CPSF2: variants seen among roughly 807,000 people sequenced by gnomAD.
CPSF2 encodes cleavage and polyadenylation specific factor 2, also known as cleavage and polyadenylation specificity factor subunit 2.
A neutral mutation model predicts 84.2 loss-of-function variants in CPSF2; 51 were observed. The ratio of observed to expected loss-of-function variants is 0.61; its 90% CI spans 0.48 to 0.77. CPSF2 has a LOEUF of 0.77. Ranked by LOEUF, CPSF2 falls within the 30% of genes least tolerant of loss-of-function variation. CPSF2 has a pLI of 0.00. For missense variants in CPSF2, 641 were observed against 929.4 expected, an observed-to-expected ratio of 0.69 and a Z score of 4.03; for synonymous variants, 286 against 311.9, an observed-to-expected ratio of 0.92 and a Z score of 0.87.
chr14:92,134,743 T>A (rs1384527679), intron 5 of CPSF2, among the ~76,000 whole-genome samples: 1 of 152,200 alleles, frequency 6.6e-6, no homozygotes, highest in Non-Finnish European at 1.5e-5. Flanking sequence ...GAGTAGATAA[T>A]GAATTCTAGC....
intron 2 of CPSF2, among the ~76,000 whole-genome samples, chr14:92,130,365 T>C (rs2141452578): frequency 6.6e-6 from 1 of 152,210 alleles, no homozygotes; most frequent in Middle Eastern, 3.4e-3. Flanking sequence ...CTGGTCTAAT[T>C]AATGGGAGAG....
At position 92,165,521 on chromosome 14, in the gene CPSF2, G is replaced by A. The variant is rs1026596060; in HGVS notation, c.*3777G>A. The stretch of plus-strand genomic sequence containing the variant: ...AGGTTTTGATTTGCATTTCCTTAAT[G>A]ACTGATGATGTGGAGCCTCTTTCCA... On this transcript the variant is annotated 3_prime_UTR_variant, in exon 16 of 16. Coordinates refer to ENST00000298875, the MANE Select transcript of CPSF2 (RefSeq NM_017437.3). The A allele has an allele frequency of 1.7e-4, 26 of 152,206 alleles. No individual in the cohort carries two copies. The highest frequency in any genetic ancestry group is 6.3e-4 in the African/African-American group (26 of 41,560). The allele number at this position is 152,206 out of a possible 1,614,324, so 9.4% of individuals were successfully genotyped here.
chr14:92,142,433 AT>A, intron 8 of CPSF2, 82 bp downstream of exon 8: 1 of 1,087,468 alleles, frequency 9.2e-7, no homozygotes, highest in Non-Finnish European at 1.3e-6. Context: ...TGTTTTTTGG[AT>A]TTTATTTTTC....
rs201952308 is a variant in CPSF2, at chr14:92,147,622, TA to T, written c.1140+4336del. Among the ~76,000 whole-genome samples the T allele has an allele frequency of 3.9e-4, 59 of 152,212 alleles. No individual in the cohort carries two copies. The East Asian group carries it at 0.01, about 26-fold the overall frequency. ...ATCTATGTAGGTTGCTAACTGTTTT[TA>T]AAAAAAACCCACTATTTTCTGAATG... On this transcript the variant is annotated intron_variant, in intron 9 of 15. Transcript: ENST00000298875.
rs749285949 is a variant in CPSF2 at position 92,142,226 on chromosome 14, A to G, written c.724A>G (p.Arg242Gly). The G allele has an allele frequency of 5.6e-6, 9 of 1,614,084 alleles. No homozygotes were observed. The highest frequency in any genetic ancestry group is 7.6e-6 in the Non-Finnish European group (9 of 1,179,942). ...NVLIAVDTAGRVLELAQLLDQ... is the reference protein window; with the variant it reads ...NVLIAVDTAGGVLELAQLLDQ... ...GTTAATAGCAGTGGACACAGCAGGC[A>G]GAGTTTTGGAACTTGCTCAACTTCT... Residue 242 changes from arginine (R) to glycine (G), a missense_variant, in exon 8 of 16, where the codon AGA (arginine) becomes GGA (glycine). By Grantham distance (125) the Arg-to-Gly change is moderately radical (BLOSUM62 -2). Coordinates refer to ENST00000298875, the MANE Select transcript of CPSF2 (RefSeq NM_017437.3).
intron 6 of CPSF2, among the ~76,000 whole-genome samples, chr14:92,137,314 A>G (rs913696621): frequency 1.3e-5 from 2 of 152,064 alleles, no homozygotes; most frequent in East Asian, 1.9e-4. Flanking sequence ...GCTTCAAGCA[A>G]TCTTCCCATT....
chr14:92,153,689 G>A (rs1012647443), intron 9 of CPSF2, among the ~76,000 whole-genome samples: 1 of 147,240 alleles, frequency 6.8e-6, no homozygotes, highest in African/African-American at 2.5e-5. Flanking sequence ...ACAGGTGCAT[G>A]CTACCACTAC....
intron 7 of CPSF2, among the ~76,000 whole-genome samples, chr14:92,140,509 T>C (rs1231354441): frequency 1.3e-5 from 2 of 150,568 alleles, no homozygotes; most frequent in African/African-American, 4.9e-5. Flanking sequence ...CTCGGCTCAT[T>C]GCAACCTCCA....
chr14:92,163,608 A>G lies in CPSF2; in HGVS notation c.*1864A>G, dbSNP rs2069404622. The G allele has an allele frequency of 6.5e-6, 1 of 152,678 alleles. No homozygotes were observed. The allele number at this position is 152,678 out of a possible 1,614,324, so 9.5% of individuals were successfully genotyped here. A position where few individuals can be genotyped will look rare whatever the true frequency, so the allele number is the denominator to read the frequency against. ...AAATTGAATTGTGTTAATAGTTCCC[A>G]TAATCCCTACGTGTTGTGGGAGGGA... On this transcript the variant is annotated 3_prime_UTR_variant, in exon 16 of 16. Coordinates refer to ENST00000298875, the MANE Select transcript of CPSF2 (RefSeq NM_017437.3).
At chr14:92,131,587 C>T (rs1333676393) in intron 3 of CPSF2, among the ~76,000 whole-genome samples, 2 of 152,072 alleles carry the variant, frequency 1.3e-5, no homozygotes, top group Admixed American at 1.3e-4. Context: ...GCTGGCAATC[C>T]CAGTACTTTA....
chr14:92,127,086 C>T (rs1250347669), intron 2 of CPSF2, among the ~76,000 whole-genome samples: 2 of 152,122 alleles, frequency 1.3e-5, no homozygotes, highest in Admixed American at 6.5e-5. Context: ...ACTGTGGAGG[C>T]GCTGGAATGT....
intron 2 of CPSF2, among the ~76,000 whole-genome samples, chr14:92,130,120 A>G (rs1010277863): frequency 6.6e-6 from 1 of 152,204 alleles, no homozygotes. Flanking sequence ...CATCAGATAT[A>G]TGTTGAAGCG....
At chr14:92,148,229 T>A (rs1320359582) in intron 9 of CPSF2, among the ~76,000 whole-genome samples, 1 of 152,226 alleles carries the variant, frequency 6.6e-6, no homozygotes, top group African/African-American at 2.4e-5. Flanking sequence ...TATACCCAGA[T>A]TCCCCAATTG....
chr14:92,123,772 T>C (rs1490796786), intron 1 of CPSF2, among the ~76,000 whole-genome samples: 2 of 152,226 alleles, frequency 1.3e-5, no homozygotes, highest in Non-Finnish European at 2.9e-5. Context: ...TCAAAACCAG[T>C]GCTCTGAAGG....
At chr14:92,126,323 A>G (rs902581497) in intron 2 of CPSF2, 143 bp downstream of exon 2, 7 of 152,248 alleles carry the variant, frequency 4.6e-5, no homozygotes, top group East Asian at 1.9e-4. Flanking sequence ...GATACCTTGC[A>G]TGTTACTTCA....
rs959001686 is a variant in CPSF2, at chr14:92,167,163, C to T, written c.*5419C>T. The T allele has an allele frequency of 6.6e-6, 1 of 151,936 alleles. No homozygotes were observed. Among genetic ancestry groups the T allele is most frequent in the Non-Finnish European group, 1.5e-5 (1 of 68,010 alleles). 9.4% of individuals were successfully genotyped at this position (151,936 alleles called of 1,614,324 possible). On this transcript the variant is annotated 3_prime_UTR_variant, in exon 16 of 16. Transcript: ENST00000298875. ...AGTAGTTAGGACTACAGGCGCGTGC[C>T]ACCATGCCAGGCTAATTTTTGTATT...
intron 3 of CPSF2, among the ~76,000 whole-genome samples, chr14:92,133,141 C>T (rs1027783042): frequency 2.0e-5 from 3 of 150,500 alleles, no homozygotes; most frequent in African/African-American, 7.4e-5. Context: ...AACTTATGGC[C>T]GGGCGTGGTG....
chr14:92,150,646 C>T (rs1014103872), intron 9 of CPSF2, among the ~76,000 whole-genome samples: 3 of 152,030 alleles, frequency 2.0e-5, no homozygotes, highest in Non-Finnish European at 2.9e-5. Context: ...CATATGGTCT[C>T]GAACTGGCCT....
chr14:92,132,426 T>C (rs2068944058), intron 3 of CPSF2, among the ~76,000 whole-genome samples: 1 of 148,438 alleles, frequency 6.7e-6, no homozygotes, highest in African/African-American at 2.5e-5. Context: ...TGAACCACCA[T>C]GCCCAGCCAA....
Sources: allele counts gnomAD v4.1 joint callset (sites outside exome capture counted in the v4.1 genomes callset), GRCh38; gene constraint gnomAD v4.1.1; transcripts MANE v1.5; gene names NCBI Gene and HGNC (gene_info 2026-07-23, HGNC 2026-07-21).